Variants in CDK5RAP1 observed in about 807,000 individuals in gnomAD.
CDK5RAP1 encodes the protein CDK5RAP1 mitochondrial tRNA methylthiotransferase, also known as mitochondrial tRNA methylthiotransferase CDK5RAP1.
Under a neutral mutation model 64.5 loss-of-function variants are expected in CDK5RAP1, and 62 were observed. The ratio of observed to expected loss-of-function variants is 0.96; its 90% CI spans 0.78 to 1.19. The LOEUF is 1.19. CDK5RAP1 is among the 50% of genes most tolerant of loss of function. The probability of loss-of-function intolerance (pLI) is 0.00; values close to 1 mark genes in which losing one functional copy is unlikely to be tolerated. For missense variants in CDK5RAP1, 657 were observed against 735.0 expected (o/e 0.89, Z 1.23); for synonymous variants, 250 against 261.9 (o/e 0.95, Z 0.44).
chr20:33,374,325 G>A (rs984172625), intron 8 of CDK5RAP1, 113 bp from the exon 9 acceptor site: 1 of 690,296 alleles, frequency 1.4e-6, no homozygotes, highest in South Asian at 1.7e-5. Context: ...TAATTAAGAG[G>A]CTAATTAAAC....
At chr20:33,374,060 G>T (rs1044462426) in intron 9 of CDK5RAP1, 55 bp downstream of exon 9, 69 of 1,186,390 alleles carry the variant, frequency 5.8e-5, no homozygotes, top group Admixed American at 1.0e-4. Context: ...ACACTGTTTG[G>T]TCATTAAGGA....
chr20:33,396,017 CAAAAA>C lies in CDK5RAP1; in HGVS notation c.304+739_304+743del, dbSNP rs1174313172. On this transcript the variant is annotated intron_variant, in intron 2 of 13. Transcript: ENST00000346416. ...CGACAGAGCGAGACTCAAAAAAAAA[CAAAAA>C]AGAAAAGAAAAGGAAGGGCTAACTG... 2.0e-5 allele frequency among the ~76,000 whole-genome samples: 3 copies of C among 151,534 alleles called. No individual in the cohort carries two copies. The East Asian group carries it at 5.8e-4, about 29-fold the overall frequency.
chr20:33,391,197 T>C (rs1988267690), intron 5 of CDK5RAP1, among the ~76,000 whole-genome samples: 1 of 142,322 alleles, frequency 7.0e-6, no homozygotes, highest in Non-Finnish European at 1.5e-5. Flanking sequence ...GAGGCTGCAG[T>C]GAGCCATGAT....
chr20:33,394,764 A>G (rs1218343273), intron 3 of CDK5RAP1, among the ~76,000 whole-genome samples: 1 of 152,196 alleles, frequency 6.6e-6, no homozygotes, highest in Admixed American at 6.6e-5. Flanking sequence ...CTCGTTAAAC[A>G]GTAACTCTCC....
Position 33,387,391 on chromosome 20 carries a change from G to C in CDK5RAP1, c.687C>G (p.Leu229=). ...CATCAGCATAGGTCTCGTCCAGAGA[G>C]AGCAGCACGTTGGCAGCTTGCTGGC... ...ESGQQAANVL[L]SLDETYADVM... Residue 229 remains leucine (L), a synonymous_variant, in exon 6 of 14, where the codon CTC becomes CTG. Transcript: ENST00000346416. 1 of 1,614,194 alleles carries C rather than the reference G, an allele frequency of 6.2e-7. No homozygotes were observed. The highest frequency in any genetic ancestry group is 8.5e-7 in the Non-Finnish European group (1 of 1,180,038).
chr20:33,393,709 T>C (rs954065673), intron 4 of CDK5RAP1, among the ~76,000 whole-genome samples: 1 of 152,182 alleles, frequency 6.6e-6, no homozygotes, highest in Admixed American at 6.5e-5. Flanking sequence ...CATATGCCAT[T>C]AGTTACAAAA....
At chr20:33,374,016 T>C in intron 9 of CDK5RAP1, 99 bp downstream of exon 9, 1 of 805,848 alleles carries the variant, frequency 1.2e-6, no homozygotes, top group Admixed American at 2.0e-5. Flanking sequence ...AGCTACTTTG[T>C]GCCACACACT....
At chr20:33,400,998 G>C (rs1989359330) in intron 1 of CDK5RAP1, among the ~76,000 whole-genome samples, 1 of 152,256 alleles carries the variant, frequency 6.6e-6, no homozygotes, top group African/African-American at 2.4e-5. Context: ...ATAACGCAAT[G>C]TAGAAGCCTC....
rs140300171 is a variant in CDK5RAP1, at chr20:33,364,849, C to T, written c.1542+2010G>A. ...TCGGCCTTCCAAAGTGGTGGGATTC[C>T]AGGCATGAGCCACCGTGACCAGCCT... On this transcript the variant is annotated intron_variant, in intron 12 of 13. Coordinates refer to ENST00000346416, the MANE Select transcript of CDK5RAP1 (RefSeq NM_016408.4). Among the ~76,000 whole-genome samples the T allele has an allele frequency of 8.3e-3, 1,254 of 151,874 alleles. 12 individuals carry two copies. Among genetic ancestry groups the T allele is most frequent in the Middle Eastern group, 0.014 (4 of 294 alleles).
chr20:33,374,035 T>A (rs895960401), intron 9 of CDK5RAP1, 80 bp downstream of exon 9: 3 of 959,188 alleles, frequency 3.1e-6, no homozygotes, highest in East Asian at 2.4e-5. Flanking sequence ...CTATGCTAGG[T>A]TCTTGGCAAC....
chr20:33,373,971 CAGTGGCTT>C, intron 9 of CDK5RAP1, 136 bp downstream of exon 9: 1 of 674,646 alleles, frequency 1.5e-6, no homozygotes, highest in Non-Finnish European at 2.7e-6. Context: ...CTCCAGTGCC[CAGTGGCTT>C]AGTCATACAA....
In CDK5RAP1 at chr20:33,370,532, G is replaced by C. The variant is rs1984816081; in HGVS notation, c.1359C>G (p.Asn453Lys). ...TGCTGTAGGCAAAGAGGAAGCCCAT[G>C]TTGTACTGAACTTCCCGGAGCAAAG... ...TVSLLREVQY[N>K]MGFLFAYSMR... The change falls in exon 11 of 14, where the codon AAC becomes AAG. Residue 453 changes from asparagine to lysine, a missense_variant. Coordinates refer to ENST00000346416, the MANE Select transcript of CDK5RAP1 (RefSeq NM_016408.4). 6.2e-7 allele frequency: 1 copy of C among 1,614,154 alleles called. No individual in the cohort carries two copies. The highest frequency in any genetic ancestry group is 8.5e-7 in the Non-Finnish European group (1 of 1,180,012).
intron 11 of CDK5RAP1, among the ~76,000 whole-genome samples, chr20:33,369,337 G>A (rs1178480390): frequency 1.3e-5 from 2 of 151,542 alleles, no homozygotes; most frequent in Admixed American, 1.3e-4. Context: ...CAAAAAATTA[G>A]CCGGGCATGG....
chr20:33,392,118 CA>C (rs1555811741), intron 5 of CDK5RAP1, 23 bp downstream of exon 5: 1 of 1,468,082 alleles, frequency 6.8e-7, no homozygotes, highest in Non-Finnish European at 9.5e-7. Context: ...TCAAAGCTGA[CA>C]AAATGTGCAA....
upstream of CDK5RAP1, chr20:33,401,562 A>G: frequency 1.0e-6 from 1 of 985,432 alleles, no homozygotes; most frequent in Non-Finnish European, 1.2e-6. Flanking sequence ...GGGTCATGCT[A>G]ACGGAAGTGC....
chr20:33,365,904 T>C lies in CDK5RAP1; in HGVS notation c.1542+955A>G, dbSNP rs1216441965. Among the ~76,000 whole-genome samples, 3 of 152,204 alleles carry C rather than the reference T, an allele frequency of 2.0e-5. No individual in the cohort carries two copies. The East Asian group carries it at 5.8e-4, about 29-fold the overall frequency. ...GACATAGCAACTTGGTGTTTTAAACTGGCCATGTCTGGAGGAAAGAAAGTC... is the reference window on the plus strand; with the variant it reads ...GACATAGCAACTTGGTGTTTTAAACCGGCCATGTCTGGAGGAAAGAAAGTC... On this transcript the variant is annotated intron_variant, in intron 12 of 13. Transcript: ENST00000346416.
At chr20:33,360,008 C>T (rs533616190) in intron 13 of CDK5RAP1, 1 of 216,602 alleles carries the variant, frequency 4.6e-6, no homozygotes, top group African/African-American at 2.3e-5. Flanking sequence ...CGTCAGAGAT[C>T]ACAAAGAAAA....
chr20:33,392,943 G>C (rs139157811), intron 4 of CDK5RAP1, among the ~76,000 whole-genome samples: 1 of 151,176 alleles, frequency 6.6e-6, no homozygotes, highest in East Asian at 2.0e-4. Flanking sequence ...GCAACAGCGC[G>C]ATCTCGGCTC....
intron 12 of CDK5RAP1, among the ~76,000 whole-genome samples, chr20:33,364,635 C>T (rs1344497381): frequency 6.6e-6 from 1 of 151,902 alleles, no homozygotes; most frequent in Non-Finnish European, 1.5e-5. Flanking sequence ...AGTACAATGG[C>T]GCGATCTCGG....
Sources: allele counts gnomAD v4.1 joint callset (sites outside exome capture counted in the v4.1 genomes callset), GRCh38; gene constraint gnomAD v4.1.1; transcripts MANE v1.5; gene names NCBI Gene and HGNC (gene_info 2026-07-23, HGNC 2026-07-21).